The following MEGF8 variants were observed in gnomAD, a reference collection of about 807,000 sequenced individuals.
MEGF8 encodes the protein multiple epidermal growth factor-like domains protein 8.
A neutral mutation model predicts 302.9 loss-of-function variants in MEGF8; 156 were observed. That is an observed-to-expected ratio of 0.52 (90% CI 0.45 to 0.59). The LOEUF (loss-of-function observed/expected upper bound fraction) is 0.59, where lower values mean the gene tolerates loss of function less well. Among genes scored for constraint, MEGF8 ranks in the 20% least tolerant of loss-of-function variants. The pLI, the probability that MEGF8 is intolerant of heterozygous loss-of-function variation, is 0.00. For missense variants in MEGF8, 3,345 were observed against 3,964.5 expected (o/e 0.84, Z 4.20); for synonymous variants, 1,621 against 1,660.5 (o/e 0.98, Z 0.58).
At position 42,344,311 on chromosome 19, in the gene MEGF8, T is replaced by G; in HGVS notation, c.1789-130T>G. On this transcript the variant is annotated intron_variant, in intron 10 of 41. Transcript: ENST00000251268. This position sits in a 1 kb window ranked among gnomAD's most constrained non-coding sequence, Gnocchi z 4.5. ...TCCCCCGTCCTCTGGATCTCCCACA[T>G]TCCAAGTCAACTCCCCGTTCTTCAG... 1.9e-6 allele frequency: 2 copies of G among 1,075,408 alleles called. No individual in the cohort carries two copies. Among genetic ancestry groups the G allele is most frequent in the Non-Finnish European group, 2.4e-6 (2 of 827,940 alleles). The allele number at this position is 1,075,408 out of a possible 1,614,324, so 66.6% of individuals were successfully genotyped here. A position where few individuals can be genotyped will look rare whatever the true frequency, so the allele number is the denominator to read the frequency against.
Position 42,351,348 on chromosome 19 carries a change from G to T in MEGF8, c.2855+14G>T. ...GCTCTGCAGCCAGTGAGTCAGGCTG[G>T]GTGCAGGGAGTGGGTGGGTGGATGT... On this transcript the variant is annotated intron_variant, in intron 16 of 41. Coordinates refer to ENST00000251268, the MANE Select transcript of MEGF8 (RefSeq NM_001271938.2). The surrounding 1 kb of genome is among the most constrained non-coding windows in gnomAD (Gnocchi z 5.6). 1.3e-6 allele frequency: 2 copies of T among 1,567,444 alleles called. No homozygotes were observed. Among genetic ancestry groups the T allele is most frequent in the Non-Finnish European group, 1.7e-6 (2 of 1,155,778 alleles).
intron 8 of MEGF8, among the ~76,000 whole-genome samples, chr19:42,340,967 C>T (rs2039203614): frequency 6.6e-6 from 1 of 152,120 alleles, no homozygotes; most frequent in Non-Finnish European, 1.5e-5. Flanking sequence ...CACGCCCGGC[C>T]TATTGTTACT....
rs2038983733 is a variant in MEGF8, at chr19:42,326,368, G to T, written c.125G>T (p.Gly42Val). 1.7e-5 allele frequency: 27 copies of T among 1,588,944 alleles called. No individual in the cohort carries two copies. The highest frequency in any genetic ancestry group is 2.1e-5 in the Non-Finnish European group (25 of 1,170,284). Residue 42 changes from glycine to valine, a missense_variant, in exon 1 of 42, where the codon GGC (glycine) becomes GTC (valine). By Grantham distance (109) the Gly-to-Val change is moderately radical (BLOSUM62 -3). Coordinates refer to ENST00000251268, the MANE Select transcript of MEGF8 (RefSeq NM_001271938.2). ...CGGCAGGTGCTGCGGGAGGCGCCAG[G>T]CTTCGTGACGGATGGTGCGGGCAAC... ...GQRQVLREAPGFVTDGAGNYS... is the reference protein window; with the variant it reads ...GQRQVLREAPVFVTDGAGNYS...
At position 42,353,501 on chromosome 19, in the gene MEGF8, C is replaced by T. The variant is rs904943760; in HGVS notation, c.3587C>T (p.Pro1196Leu). The change falls in exon 21 of 42, where the codon CCC becomes CTC. Residue 1196 changes from proline (P) to leucine (L), a missense_variant. Pro to Leu is a moderately conservative substitution (Grantham distance 98). Coordinates refer to ENST00000251268, the MANE Select transcript of MEGF8 (RefSeq NM_001271938.2). This position sits in a 1 kb window ranked among gnomAD's most constrained non-coding sequence, Gnocchi z 6.1. The stretch of plus-strand genomic sequence containing the variant: ...GGGGAGCACTGCGAACGATGCCGGC[C>T]CGGCAGCTTCGGCAACGCCACAGGC... ...TWGEHCERCRPGSFGNATGSR... is the reference protein window; with the variant it reads ...TWGEHCERCRLGSFGNATGSR... 3.7e-6 allele frequency: 6 copies of T among 1,610,814 alleles called. No homozygotes were observed. The African/African-American group carries it at 8.0e-5, about 22-fold the overall frequency.
intron 35 of MEGF8, 71 bp downstream of exon 35, chr19:42,363,333 GA>G (rs1014044642): frequency 3.7e-6 from 5 of 1,338,060 alleles, no homozygotes; most frequent in Non-Finnish European, 4.2e-6. Flanking sequence ...CGCTGGCAGG[GA>G]CCTTTCTTCC....
chr19:42,333,253 G>A (rs113399970), intron 1 of MEGF8, among the ~76,000 whole-genome samples: 3,042 of 152,322 alleles, frequency 0.02, 106 homozygotes, highest in African/African-American at 0.069. Flanking sequence ...GGAAGAGAGA[G>A]GCATCAGGAA....
At chr19:42,359,302 A>C in intron 31 of MEGF8, 60 bp downstream of exon 31, 1 of 1,438,562 alleles carries the variant, frequency 7.0e-7, no homozygotes, top group South Asian at 1.5e-5. Flanking sequence ...CCCCATCCCC[A>C]TCCTGGGACT....
At chr19:42,367,912 G>A (rs574860337) in intron 35 of MEGF8, among the ~76,000 whole-genome samples, 4 of 151,866 alleles carry the variant, frequency 2.6e-5, no homozygotes, top group East Asian at 1.9e-4. Context: ...CCAAGTCTAC[G>A]CGATCTTCCA....
rs768149358 is a variant in MEGF8, at chr19:42,355,941, A to C, written c.4328A>C (p.His1443Pro). ...TGTCCTCAGGGCTGGGCTGGCCCACACTGCCGCATGGCTCTGTGTCCTGAG... is the reference window on the plus strand; with the variant it reads ...TGTCCTCAGGGCTGGGCTGGCCCACCCTGCCGCATGGCTCTGTGTCCTGAG... ...CRCPQGWAGP[H>P]CRMALCPENC... Residue 1443 changes from histidine to proline, a missense_variant, in exon 24 of 42, where the codon CAC (histidine) becomes CCC (proline). Transcript: ENST00000251268. The C allele has an allele frequency of 1.2e-6, 2 of 1,609,690 alleles. No individual in the cohort carries two copies. Among genetic ancestry groups the C allele is most frequent in the Admixed American group, 3.4e-5 (2 of 59,508 alleles).
chr19:42,372,037 C>CG, intron 41 of MEGF8, among the ~76,000 whole-genome samples: 1 of 81,402 alleles, frequency 1.2e-5, no homozygotes, highest in Non-Finnish European at 2.5e-5. Context: ...GACTCTGTCT[C>CG]AAAACAACAA....
chr19:42,370,579 G>C (rs1470409776), intron 39 of MEGF8, 122 bp from the exon 40 acceptor site: 10 of 1,155,406 alleles, frequency 8.7e-6, no homozygotes, highest in African/African-American at 7.9e-5. Context: ...GAGGGAGGAG[G>C]GGGTGGGAGC....
chr19:42,346,220 A>G (rs1372509614), intron 12 of MEGF8, among the ~76,000 whole-genome samples: 1 of 152,178 alleles, frequency 6.6e-6, no homozygotes, highest in African/African-American at 2.4e-5. Context: ...TTTTAAAAAT[A>G]GCTCATATAT....
Position 42,356,695 on chromosome 19 carries a change from G to A in MEGF8, c.4623-79G>A. On this transcript the variant is annotated intron_variant, in intron 26 of 41. Coordinates refer to ENST00000251268, the MANE Select transcript of MEGF8 (RefSeq NM_001271938.2). The surrounding 1 kb of genome is among the most constrained non-coding windows in gnomAD (Gnocchi z 5.2). ...AGGAAGGTCACCCCAGGGGATGCGG[G>A]GACATCTGTCAGGCAGGGTCACCTT... 7.1e-7 allele frequency: 1 copy of A among 1,406,784 alleles called. No individual in the cohort carries two copies. Among genetic ancestry groups the A allele is most frequent in the Non-Finnish European group, 9.6e-7 (1 of 1,040,702 alleles). The allele number at this position is 1,406,784 out of a possible 1,614,324, so 87.1% of individuals were successfully genotyped here.
chr19:42,359,766 C>G (rs2039504540), intron 31 of MEGF8, among the ~76,000 whole-genome samples: 2 of 152,052 alleles, frequency 1.3e-5, no homozygotes, highest in South Asian at 4.1e-4. Flanking sequence ...CTCACTGTAG[C>G]CTCTGCCTCC....
Position 42,358,544 on chromosome 19 carries a change from G to A in MEGF8, c.5175+237G>A, listed in dbSNP as rs2039485114. Among the ~76,000 whole-genome samples, 1 of 152,206 alleles carries A rather than the reference G, an allele frequency of 6.6e-6. No individual in the cohort carries two copies. Among genetic ancestry groups the A allele is most frequent in the Admixed American group, 6.5e-5 (1 of 15,280 alleles). On this transcript the variant is annotated intron_variant, in intron 29 of 41. Transcript: ENST00000251268. The surrounding 1 kb of genome is among the most constrained non-coding windows in gnomAD (Gnocchi z 4.4). The stretch of plus-strand genomic sequence containing the variant: ...CAGCTCTCCCCTGAGTCTTGGTGCG[G>A]CCCTGGCAGGCCCCTTCCCCGTCCT...
intron 8 of MEGF8, among the ~76,000 whole-genome samples, chr19:42,342,624 G>A (rs1178459771): frequency 6.7e-6 from 1 of 150,238 alleles, no homozygotes; most frequent in Non-Finnish European, 1.5e-5. Flanking sequence ...GTGACAAAGC[G>A]AGACTCTGTC....
At position 42,353,266 on chromosome 19, in the gene MEGF8, C is replaced by G. The variant is rs1196861467; in HGVS notation, c.3550+139C>G. On this transcript the variant is annotated intron_variant, in intron 20 of 41. Coordinates refer to ENST00000251268, the MANE Select transcript of MEGF8 (RefSeq NM_001271938.2). The surrounding 1 kb of genome is among the most constrained non-coding windows in gnomAD (Gnocchi z 6.1). ...TCCCCTGCCCCATTCCTGTTCCTGA[C>G]TCAAACAGGTTTCAGTGCCACCCGT... The G allele has an allele frequency of 1.1e-5, 11 of 1,046,284 alleles. No homozygotes were observed. Among genetic ancestry groups the G allele is most frequent in the Non-Finnish European group, 1.5e-5 (11 of 734,886 alleles). The allele number at this position is 1,046,284 out of a possible 1,614,324, so 64.8% of individuals were successfully genotyped here. A position where few individuals can be genotyped will look rare whatever the true frequency, so the allele number is the denominator to read the frequency against.
At position 42,336,133 on chromosome 19, in the gene MEGF8, A is replaced by G. The variant is rs199720072; in HGVS notation, c.1031A>G (p.Asp344Gly). The G allele has an allele frequency of 1.9e-5, 30 of 1,609,014 alleles. No homozygotes were observed. In the East Asian group the frequency reaches 6.5e-4, roughly 35 times the overall value. ...LAGHAAALVD[D>G]VWLYVSGGRT... The stretch of plus-strand genomic sequence containing the variant: ...GGTCACGCGGCTGCCCTGGTGGATG[A>G]TGTCTGGCTATATGTGTCTGGAGGC... Residue 344 changes from aspartate to glycine, a missense_variant, in exon 6 of 42, where the codon GAT becomes GGT. Transcript: ENST00000251268. This position sits in a 1 kb window ranked among gnomAD's most constrained non-coding sequence, Gnocchi z 4.8.
chr19:42,357,090 C>T lies in MEGF8; in HGVS notation c.4830+109C>T. Reference sequence around the variant, plus strand: ...CCCCAGAGGAAACAGAAGCCCCAAACTTGAATTTCCTCGGCCATCCTGGGT... The same window carrying T: ...CCCCAGAGGAAACAGAAGCCCCAAATTTGAATTTCCTCGGCCATCCTGGGT... On this transcript the variant is annotated intron_variant, in intron 27 of 41. Transcript: ENST00000251268. The surrounding 1 kb of genome is among the most constrained non-coding windows in gnomAD (Gnocchi z 5.2). 1 of 1,194,712 alleles carries T rather than the reference C, an allele frequency of 8.4e-7. No individual in the cohort carries two copies. The highest frequency in any genetic ancestry group is 1.2e-6 in the Non-Finnish European group (1 of 867,782). The allele number at this position is 1,194,712 out of a possible 1,614,324, so 74.0% of individuals were successfully genotyped here.
Sources: allele counts gnomAD v4.1 joint callset (sites outside exome capture counted in the v4.1 genomes callset), GRCh38; gene constraint gnomAD v4.1.1; non-coding constraint Gnocchi (gnomAD v3.1); transcripts MANE v1.5; gene names NCBI Gene and HGNC (gene_info 2026-07-23, HGNC 2026-07-21).